Variants in ZNF442 observed in about 807,000 individuals in gnomAD.
The protein encoded by ZNF442 is zinc finger protein 442.
ZNF442 carries 45 observed loss-of-function variants against 57.0 expected under a neutral mutation model. The ratio of observed to expected loss-of-function variants is 0.79; its 90% CI spans 0.62 to 1.01. The LOEUF is 1.01. ZNF442 is among the 50% of genes least tolerant of loss of function. The pLI, the probability that ZNF442 is intolerant of heterozygous loss-of-function variation, is 0.00. For synonymous variants in ZNF442, 213 were observed against 241.8 expected, an observed-to-expected ratio of 0.88 and a Z score of 1.10; for missense variants, 690 against 756.5, an observed-to-expected ratio of 0.91 and a Z score of 1.03.
At chr19:12,364,355 C>A (rs1969494749) in intron 2 of ZNF442, among the ~76,000 whole-genome samples, 1 of 148,354 alleles carries the variant, frequency 6.7e-6, no homozygotes, top group South Asian at 2.1e-4. Context: ...TGCGGTGAGC[C>A]GACATCGCAC....
At chr19:12,369,070 T>C (rs1454186899), upstream of ZNF442, among the ~76,000 whole-genome samples, 2 of 152,104 alleles carry the variant, frequency 1.3e-5, no homozygotes, top group Non-Finnish European at 2.9e-5. Flanking sequence ...CTGAGTTCTT[T>C]CTCTAGTTTG....
At chr19:12,358,759 T>C (rs962364420) in intron 3 of ZNF442, among the ~76,000 whole-genome samples, 4 of 152,174 alleles carry the variant, frequency 2.6e-5, no homozygotes, top group Non-Finnish European at 4.4e-5. Context: ...TGTATGGCAT[T>C]TGCTGAACAC....
chr19:12,359,025 A>G (rs1969380558), intron 3 of ZNF442, among the ~76,000 whole-genome samples: 3 of 152,210 alleles, frequency 2.0e-5, no homozygotes, highest in Non-Finnish European at 4.4e-5. Flanking sequence ...AGAATAGCCA[A>G]AAAGAGAGAG....
In ZNF442 at chr19:12,350,224, G is replaced by A; in HGVS notation, c.1361C>T (p.Thr454Ile). 1 of 1,613,832 alleles carries A rather than the reference G, an allele frequency of 6.2e-7. No individual in the cohort carries two copies. The highest frequency in any genetic ancestry group is 8.5e-7 in the Non-Finnish European group (1 of 1,180,002). ...TTTATAGGGTTTCTCTCCAGTGTGA[G>A]TTGTTTCATGTCTTCGAAGGGAACT... ...ISSSLRRHET[T>I]HTGEKPYKCK... The change falls in exon 6 of 6, where the codon ACT becomes ATT. Residue 454 changes from threonine (T) to isoleucine (I), a missense_variant. By Grantham distance (89) the Thr-to-Ile change is moderately conservative. Transcript: ENST00000242804.
At chr19:12,354,787 T>C (rs1969299384) in intron 3 of ZNF442, among the ~76,000 whole-genome samples, 1 of 152,232 alleles carries the variant, frequency 6.6e-6, no homozygotes, top group Non-Finnish European at 1.5e-5. Context: ...ATATAGTTTA[T>C]CTTCATTATT....
Position 12,350,348 on chromosome 19 carries a change from C to T in ZNF442, c.1237G>A (p.Ala413Thr). The T allele has an allele frequency of 6.2e-7, 1 of 1,613,944 alleles. No individual in the cohort carries two copies. The highest frequency in any genetic ancestry group is 8.5e-7 in the Non-Finnish European group (1 of 1,180,028). ...TGAAATACACTGGGATAAATGAAGG[C>T]TTTCCCACATACCTTGCATTTGTGA... Reference protein sequence around the residue: ...GPHKCKVCGKAFIYPSVFQGH... With the variant: ...GPHKCKVCGKTFIYPSVFQGH... Residue 413 changes from alanine to threonine, a missense_variant, in exon 6 of 6, where the codon GCC (alanine) becomes ACC (threonine). Ala to Thr is a moderately conservative substitution (Grantham distance 58). Transcript: ENST00000242804.
At chr19:12,368,401 A>C (rs1156742639), upstream of ZNF442, among the ~76,000 whole-genome samples, 1 of 152,222 alleles carries the variant, frequency 6.6e-6, no homozygotes, top group Non-Finnish European at 1.5e-5. Context: ...AAGAAATTAT[A>C]AAAGTATTAA....
the ZNF442 span, among the ~76,000 whole-genome samples, chr19:12,372,221 C>A: frequency 6.6e-6 from 1 of 152,074 alleles, no homozygotes; most frequent in Non-Finnish European, 1.5e-5. Context: ...CTTTGGGAGG[C>A]CAAGGTGGGC....
chr19:12,352,966 G>A, intron 4 of ZNF442, 22 bp downstream of exon 4: 1 of 1,589,290 alleles, frequency 6.3e-7, no homozygotes, highest in South Asian at 1.2e-5. Context: ...TTGACTAAGT[G>A]AAGACATAAT....
upstream of ZNF442, among the ~76,000 whole-genome samples, chr19:12,370,757 G>A (rs1164351918): frequency 2.0e-5 from 3 of 151,938 alleles, no homozygotes; most frequent in Non-Finnish European, 2.9e-5. Context: ...GGTGAATCAC[G>A]AGGTCAGGAG....
Position 12,349,395 on chromosome 19 carries a change from T to C in ZNF442, c.*306A>G, listed in dbSNP as rs760344434. The C allele has an allele frequency of 1.8e-5, 4 of 218,576 alleles. No individual in the cohort carries two copies. Among genetic ancestry groups the C allele is most frequent in the Non-Finnish European group, 2.7e-5 (3 of 110,984 alleles). The allele number at this position is 218,576 out of a possible 1,614,324, so 13.5% of individuals were successfully genotyped here. A position where few individuals can be genotyped will look rare whatever the true frequency, so the allele number is the denominator to read the frequency against. The stretch of plus-strand genomic sequence containing the variant: ...TGAGGTATTTTAGTAACCTACTTTT[T>C]ATTTTTACTTTTACAAAAGCTTTGG... On this transcript the variant is annotated 3_prime_UTR_variant, in exon 6 of 6. Coordinates refer to ENST00000242804, the MANE Select transcript of ZNF442 (RefSeq NM_030824.3).
chr19:12,367,391 G>A (rs182086306), upstream of ZNF442, among the ~76,000 whole-genome samples: 50 of 152,244 alleles, frequency 3.3e-4, no homozygotes, highest in African/African-American at 1.1e-3. Context: ...CAAGGCAAAG[G>A]CAAAATTAGA....
chr19:12,365,391 TGAAGGCCGGC>T, intron 1 of ZNF442, 132 bp downstream of exon 1: 1 of 236,592 alleles, frequency 4.2e-6, no homozygotes. Context: ...CCGAGGGGAC[TGAAGGCCGGC>T]TGGGCCAGGG....
At chr19:12,368,243 C>T (rs1969553818), upstream of ZNF442, among the ~76,000 whole-genome samples, 1 of 152,086 alleles carries the variant, frequency 6.6e-6, no homozygotes, top group Admixed American at 6.6e-5. Context: ...CCTGAGGTGA[C>T]ATACATCCTT....
chr19:12,349,074 A>G lies in ZNF442; in HGVS notation c.*627T>C, dbSNP rs1399894302. ...AAATTAGCTGGGTGTGGTGGCATGC[A>G]TCTGTAATCCCAGCTACTCAGGAGG... On this transcript the variant is annotated 3_prime_UTR_variant, in exon 6 of 6. Transcript: ENST00000242804. 6.7e-6 allele frequency: 1 copy of G among 149,742 alleles called. No homozygotes were observed. The highest frequency in any genetic ancestry group is 1.5e-5 in the Non-Finnish European group (1 of 67,538). The allele number at this position is 149,742 out of a possible 1,614,324, so 9.3% of individuals were successfully genotyped here. A position where few individuals can be genotyped will look rare whatever the true frequency, so the allele number is the denominator to read the frequency against.
intron 3 of ZNF442, among the ~76,000 whole-genome samples, chr19:12,359,096 C>T (rs1419906618): frequency 2.0e-5 from 3 of 152,190 alleles, no homozygotes; most frequent in Non-Finnish European, 4.4e-5. Flanking sequence ...ATTACCCACC[C>T]AGCAAATCCA....
At position 12,349,433 on chromosome 19, in the gene ZNF442, T is replaced by C. The variant is rs1291252455; in HGVS notation, c.*268A>G. ...ACAAAAGCTTTGGGTTGGTGAAAAATTAAGTAATCTAGGCATGATTTATGG... is the reference window on the plus strand; with the variant it reads ...ACAAAAGCTTTGGGTTGGTGAAAAACTAAGTAATCTAGGCATGATTTATGG... On this transcript the variant is annotated 3_prime_UTR_variant, in exon 6 of 6. Coordinates refer to ENST00000242804, the MANE Select transcript of ZNF442 (RefSeq NM_030824.3). The C allele has an allele frequency of 3.6e-6, 1 of 275,808 alleles. No homozygotes were observed. The highest frequency in any genetic ancestry group is 6.6e-5 in the East Asian group (1 of 15,190). 17.1% of individuals were successfully genotyped at this position (275,808 alleles called of 1,614,324 possible). A position where few individuals can be genotyped will look rare whatever the true frequency, so the allele number is the denominator to read the frequency against.
chr19:12,366,995 T>C (rs746951213), upstream of ZNF442, among the ~76,000 whole-genome samples: 2 of 152,228 alleles, frequency 1.3e-5, no homozygotes, highest in Non-Finnish European at 2.9e-5. Context: ...TATTTGGTCA[T>C]ATATTTCCTT....
In ZNF442 at chr19:12,352,980, A is replaced by G. The variant is rs116790981; in HGVS notation, c.205+8T>C. The G allele has an allele frequency of 1.9e-6, 3 of 1,595,020 alleles. No individual in the cohort carries two copies. The African/African-American group carries it at 4.1e-5, about 22-fold the overall frequency. On this transcript the variant is annotated splice_region_variant and intron_variant, in intron 4 of 5. Coordinates refer to ENST00000242804, the MANE Select transcript of ZNF442 (RefSeq NM_030824.3). ...ATTGACTAAGTGAAGACATAATGTCATTTTTACCTATACAGTCCAGGTTCC... is the reference window on the plus strand; with the variant it reads ...ATTGACTAAGTGAAGACATAATGTCGTTTTTACCTATACAGTCCAGGTTCC...
Sources: allele counts gnomAD v4.1 joint callset (sites outside exome capture counted in the v4.1 genomes callset), GRCh38; gene constraint gnomAD v4.1.1; transcripts MANE v1.5; gene names NCBI Gene and HGNC (gene_info 2026-07-23, HGNC 2026-07-21).